MYO5A: variants seen among roughly 807,000 people sequenced by gnomAD.
MYO5A encodes the protein myosin VA.
In MYO5A, 98 loss-of-function variants were observed where a neutral mutation model predicts 249.7. The observed-to-expected ratio is 0.39, with a 90% CI of 0.33 to 0.46. The LOEUF is 0.46. MYO5A is among the 20% of genes least tolerant of loss of function. The pLI is 0.98. For synonymous variants in MYO5A, 778 were observed against 810.6 expected, an observed-to-expected ratio of 0.96 and a Z score of 0.68; for missense variants, 1,696 against 2,308.8, an observed-to-expected ratio of 0.73 and a Z score of 5.44.
At chr15:52,499,744 C>T (rs1318893728) in intron 1 of MYO5A, among the ~76,000 whole-genome samples, 1 of 152,244 alleles carries the variant, frequency 6.6e-6, no homozygotes, top group Non-Finnish European at 1.5e-5. Flanking sequence ...CCAATGGACA[C>T]TGGGTTGCTT....
chr15:52,336,422 AC>A, intron 34 of MYO5A, 40 bp downstream of exon 34: 1 of 1,352,626 alleles, frequency 7.4e-7, no homozygotes, highest in Non-Finnish European at 1.0e-6. Context: ...CAAGACTCAA[AC>A]CAAGACTCAG....
chr15:52,451,269 A>G lies in MYO5A; in HGVS notation c.28-17984T>C, dbSNP rs551676748. Reference sequence around the variant, plus strand: ...CCTTCACTCCTGTAACAAATCCATCACTAAGTCCTACCTGCAATATTTTAA... The same window carrying G: ...CCTTCACTCCTGTAACAAATCCATCGCTAAGTCCTACCTGCAATATTTTAA... On this transcript the variant is annotated intron_variant, in intron 1 of 41. Transcript: ENST00000399233. 8.5e-5 allele frequency among the ~76,000 whole-genome samples: 13 copies of G among 152,112 alleles called. No homozygotes were observed. The South Asian group carries it at 2.7e-3, about 32-fold the overall frequency.
At chr15:52,340,150 G>C (rs1235731169) in intron 32 of MYO5A, 46 bp downstream of exon 32, 1 of 1,597,356 alleles carries the variant, frequency 6.3e-7, no homozygotes, top group Non-Finnish European at 8.6e-7. Context: ...CTAGACTGTC[G>C]GGCAGGCTAG....
chr15:52,323,039 A>G (rs1282487105), intron 37 of MYO5A, among the ~76,000 whole-genome samples: 4 of 152,208 alleles, frequency 2.6e-5, no homozygotes, highest in Admixed American at 6.5e-5. Flanking sequence ...ATTTCTTTAA[A>G]TAGTTCACTA....
At chr15:52,466,290 G>A (rs1407059391) in intron 1 of MYO5A, among the ~76,000 whole-genome samples, 1 of 152,168 alleles carries the variant, frequency 6.6e-6, no homozygotes, top group Non-Finnish European at 1.5e-5. Flanking sequence ...ACCTGTGGGA[G>A]GGGCTCCCAC....
intron 1 of MYO5A, among the ~76,000 whole-genome samples, chr15:52,460,159 C>T (rs2076216124): frequency 1.3e-5 from 2 of 150,078 alleles, no homozygotes; most frequent in Non-Finnish European, 3.0e-5. Context: ...CCTCACTTCC[C>T]AGACTGGGCG....
At chr15:52,404,248 CA>C (rs1227819098) in intron 9 of MYO5A, among the ~76,000 whole-genome samples, 1 of 100,418 alleles carries the variant, frequency 1.0e-5, no homozygotes, top group Non-Finnish European at 1.9e-5. Context: ...GCCTGGGCGA[CA>C]AGAGTGAAAC....
intron 1 of MYO5A, among the ~76,000 whole-genome samples, chr15:52,470,490 A>G (rs2076439301): frequency 6.6e-6 from 1 of 152,080 alleles, no homozygotes; most frequent in Non-Finnish European, 1.5e-5. Flanking sequence ...CGTCTCTACT[A>G]AAAACACAAA....
intron 34 of MYO5A, 46 bp from the exon 35 acceptor site, chr15:52,330,545 A>G (rs2140958205): frequency 6.2e-7 from 1 of 1,609,414 alleles, no homozygotes; most frequent in Non-Finnish European, 8.5e-7. Context: ...TCCATATAAA[A>G]AACATGAGAG....
At chr15:52,361,697 G>A (rs1325673859) in intron 24 of MYO5A, among the ~76,000 whole-genome samples, 2 of 152,210 alleles carry the variant, frequency 1.3e-5, no homozygotes, top group Admixed American at 6.5e-5. Context: ...CTGCTGCTGT[G>A]ATTGTTAGGA....
rs1180067010 is a variant in MYO5A, at chr15:52,308,916, C to T, written c.*4780G>A. On this transcript the variant is annotated 3_prime_UTR_variant, in exon 42 of 42. Coordinates refer to ENST00000399233, the MANE Select transcript of MYO5A (RefSeq NM_001382347.1). ...GGCAATACAGATCCTCTTCAACGCG[C>T]ATGCACACGACACCCCTCCTAGCAC... The T allele has an allele frequency of 6.5e-6, 1 of 153,128 alleles. No individual in the cohort carries two copies. The highest frequency in any genetic ancestry group is 2.4e-5 in the African/African-American group (1 of 41,470). 9.5% of individuals were successfully genotyped at this position (153,128 alleles called of 1,614,324 possible).
chr15:52,478,728 A>C (rs534613217), intron 1 of MYO5A, among the ~76,000 whole-genome samples: 5 of 152,298 alleles, frequency 3.3e-5, no homozygotes, highest in Admixed American at 6.5e-5. Flanking sequence ...GCGTGAGATC[A>C]CTTTTTGCTG....
intron 25 of MYO5A, among the ~76,000 whole-genome samples, chr15:52,354,415 TA>T (rs1163790408): frequency 1.3e-5 from 2 of 152,236 alleles, no homozygotes; most frequent in African/African-American, 4.8e-5. Flanking sequence ...TACACAAGTA[TA>T]TAAAAATATA....
intron 1 of MYO5A, among the ~76,000 whole-genome samples, chr15:52,504,718 T>C (rs150173824): frequency 1.2e-4 from 19 of 152,028 alleles, no homozygotes; most frequent in African/African-American, 4.3e-4. Context: ...GGTGAAACCC[T>C]GTCTCTACTA....
At chr15:52,401,757 T>G (rs929264067) in intron 9 of MYO5A, among the ~76,000 whole-genome samples, 1 of 152,234 alleles carries the variant, frequency 6.6e-6, no homozygotes, top group Non-Finnish European at 1.5e-5. Context: ...TCATTCTCTC[T>G]CTTCTCTCCT....
At chr15:52,435,014 G>A (rs555286974) in intron 1 of MYO5A, among the ~76,000 whole-genome samples, 1 of 152,164 alleles carries the variant, frequency 6.6e-6, no homozygotes, top group Non-Finnish European at 1.5e-5. Flanking sequence ...TAAATATGGG[G>A]CAACTTCCCA....
At chr15:52,400,733 T>G (rs2042712487) in intron 9 of MYO5A, among the ~76,000 whole-genome samples, 1 of 152,230 alleles carries the variant, frequency 6.6e-6, no homozygotes, top group Non-Finnish European at 1.5e-5. Flanking sequence ...TATCCAAAGC[T>G]ATGTGATATT....
chr15:52,528,746 C>A (rs1185413269), intron 1 of MYO5A, 34 bp downstream of exon 1: 2 of 1,501,844 alleles, frequency 1.3e-6, no homozygotes, highest in East Asian at 5.5e-5. Context: ...GCCGCACAGC[C>A]CCAGTCCTCG....
chr15:52,423,813 T>A (rs2075337722), intron 4 of MYO5A, among the ~76,000 whole-genome samples: 1 of 152,084 alleles, frequency 6.6e-6, no homozygotes, highest in African/African-American at 2.4e-5. Context: ...TCACAACAGA[T>A]AATAATGAGA....
Sources: allele counts gnomAD v4.1 joint callset (sites outside exome capture counted in the v4.1 genomes callset), GRCh38; gene constraint gnomAD v4.1.1; transcripts MANE v1.5; gene names NCBI Gene and HGNC (gene_info 2026-07-23, HGNC 2026-07-21).